Variants in PRLR observed in about 807,000 individuals in gnomAD.
PRLR encodes prolactin receptor.
A neutral mutation model predicts 40.2 loss-of-function variants in PRLR; 13 were observed. That is an observed-to-expected ratio of 0.32 (90% confidence interval 0.21 to 0.51). PRLR has a LOEUF of 0.51. Ranked by LOEUF, PRLR falls within the 20% of genes least tolerant of loss-of-function variation. The pLI, the probability that PRLR is intolerant of heterozygous loss-of-function variation, is 0.97. For synonymous variants in PRLR, 269 were observed against 278.7 expected, an observed-to-expected ratio of 0.97 and a Z score of 0.35; for missense variants, 656 against 747.3, an observed-to-expected ratio of 0.88 and a Z score of 1.42.
At chr5:35,191,716 G>A (rs981810779) in intron 1 of PRLR, among the ~76,000 whole-genome samples, 5 of 152,234 alleles carry the variant, frequency 3.3e-5, no homozygotes, top group African/African-American at 1.2e-4. Context: ...ACAGACACCC[G>A]AAGAAAACAG....
At position 35,062,859 on chromosome 5, in the gene PRLR, T is replaced by C. The variant is rs1016267475; in HGVS notation, c.*2230A>G. Reference sequence around the variant, plus strand: ...TAATGTGAATCTTAAACTACTGATATGTTTCTTTTTTTGCCTGCTTACATG... The same window carrying C: ...TAATGTGAATCTTAAACTACTGATACGTTTCTTTTTTTGCCTGCTTACATG... On this transcript the variant is annotated 3_prime_UTR_variant, in exon 10 of 10. Transcript: ENST00000618457. 2 of 152,232 alleles carry C rather than the reference T, an allele frequency of 1.3e-5. No individual in the cohort carries two copies. The highest frequency in any genetic ancestry group is 3.8e-4 in the East Asian group (2 of 5,202). 9.4% of individuals were successfully genotyped at this position (152,232 alleles called of 1,614,324 possible).
intron 1 of PRLR, among the ~76,000 whole-genome samples, chr5:35,180,906 C>T (rs1022086638): frequency 2.6e-4 from 39 of 152,078 alleles, no homozygotes; most frequent in Non-Finnish European, 4.4e-4. Flanking sequence ...TAATAAATTA[C>T]CCAGTCTCAG....
At chr5:35,139,894 G>C (rs540443557) in intron 1 of PRLR, among the ~76,000 whole-genome samples, 61 of 151,948 alleles carry the variant, frequency 4.0e-4, no homozygotes, top group Non-Finnish European at 7.5e-4. Context: ...TGGAGAATTA[G>C]AGCAAATAAA....
intron 1 of PRLR, among the ~76,000 whole-genome samples, chr5:35,147,143 T>C (rs955911497): frequency 7.2e-5 from 11 of 152,218 alleles, no homozygotes; most frequent in Non-Finnish European, 1.3e-4. Context: ...TACAATTTTA[T>C]GTTTAATAAT....
At chr5:35,129,341 T>C (rs112476631) in intron 1 of PRLR, among the ~76,000 whole-genome samples, 1,906 of 152,334 alleles carry the variant, frequency 0.013, 41 homozygotes, top group African/African-American at 0.044. Context: ...ATCCTTTGGA[T>C]TGAAATCTCA....
chr5:35,119,952 G>T (rs564851295), intron 1 of PRLR, among the ~76,000 whole-genome samples: 1 of 152,084 alleles, frequency 6.6e-6, no homozygotes, highest in Non-Finnish European at 1.5e-5. Flanking sequence ...CAGGCCCTGG[G>T]CCCACTTGGT....
chr5:35,141,770 G>A (rs1309288718), intron 1 of PRLR, among the ~76,000 whole-genome samples: 1 of 152,056 alleles, frequency 6.6e-6, no homozygotes, highest in Non-Finnish European at 1.5e-5. Flanking sequence ...TACCTTCTAA[G>A]TCTATGCTTT....
intron 1 of PRLR, among the ~76,000 whole-genome samples, chr5:35,167,492 G>T (rs1057201198): frequency 2.6e-5 from 4 of 152,014 alleles, no homozygotes; most frequent in African/African-American, 4.8e-5. Flanking sequence ...TGAACTAAAA[G>T]AAATATTAAT....
chr5:35,189,904 G>T (rs1006846872), intron 1 of PRLR, among the ~76,000 whole-genome samples: 2 of 152,140 alleles, frequency 1.3e-5, no homozygotes, highest in Non-Finnish European at 2.9e-5. Context: ...GTCTAAAGCC[G>T]CACAGCTTTG....
chr5:35,227,294 G>A (rs1381456585), intron 1 of PRLR, among the ~76,000 whole-genome samples: 4 of 152,194 alleles, frequency 2.6e-5, no homozygotes, highest in African/African-American at 9.7e-5. Context: ...GCCTGATATT[G>A]GGGAGCTTGG....
intron 1 of PRLR, among the ~76,000 whole-genome samples, chr5:35,178,623 A>G (rs762616365): frequency 3.0e-4 from 46 of 152,356 alleles, no homozygotes; most frequent in Middle Eastern, 3.4e-3. Context: ...AGTATAACTG[A>G]GTCCCATTAC....
At chr5:35,077,032 G>A (rs1383925303) in intron 5 of PRLR, among the ~76,000 whole-genome samples, 1 of 152,112 alleles carries the variant, frequency 6.6e-6, no homozygotes, top group Admixed American at 6.5e-5. Context: ...CCTTACAAGA[G>A]CTCCTGAAGG....
intron 1 of PRLR, among the ~76,000 whole-genome samples, 183 bp from the exon 2 acceptor site, chr5:35,118,305 A>G (rs1773143723): frequency 6.7e-6 from 1 of 149,212 alleles, no homozygotes; most frequent in Non-Finnish European, 1.5e-5. Context: ...AATCTTACAG[A>G]AAAGTTATAA....
At chr5:35,149,243 A>G (rs558954023) in intron 1 of PRLR, among the ~76,000 whole-genome samples, 149 of 152,290 alleles carry the variant, frequency 9.8e-4, no homozygotes, top group African/African-American at 3.3e-3. Context: ...TAAAGTTATC[A>G]GAATGTCTAT....
chr5:35,120,582 C>G (rs139296086), intron 1 of PRLR, among the ~76,000 whole-genome samples: 46 of 152,288 alleles, frequency 3.0e-4, no homozygotes, highest in African/African-American at 1.0e-3. Flanking sequence ...TTAATAGAAG[C>G]TCCTGGGGGA....
chr5:35,161,200 A>G (rs1339183321), intron 1 of PRLR, among the ~76,000 whole-genome samples: 5 of 152,242 alleles, frequency 3.3e-5, no homozygotes, highest in Non-Finnish European at 5.9e-5. Context: ...ATGAAAGAGC[A>G]AGTAGAGTTG....
intron 2 of PRLR, among the ~76,000 whole-genome samples, chr5:35,115,639 G>T (rs574678293): frequency 1.3e-5 from 2 of 152,004 alleles, no homozygotes; most frequent in East Asian, 3.9e-4. Context: ...GGCTGGAGGT[G>T]GGAGGGTTGG....
At chr5:35,075,948 A>C (rs1345315726) in intron 5 of PRLR, among the ~76,000 whole-genome samples, 1 of 152,352 alleles carries the variant, frequency 6.6e-6, no homozygotes, top group African/African-American at 2.4e-5. Flanking sequence ...GACCTCCAAC[A>C]AACTCCAACA....
chr5:35,186,169 C>A (rs912705874), intron 1 of PRLR, among the ~76,000 whole-genome samples: 1 of 152,144 alleles, frequency 6.6e-6, no homozygotes, highest in Admixed American at 6.5e-5. Context: ...TGGAAAATAT[C>A]TCACTAATAA....
Sources: allele counts gnomAD v4.1 joint callset (sites outside exome capture counted in the v4.1 genomes callset), GRCh38; gene constraint gnomAD v4.1.1; transcripts MANE v1.5; gene names NCBI Gene and HGNC (gene_info 2026-07-23, HGNC 2026-07-21).